The following CCSER1 variants were observed in gnomAD, a reference collection of about 807,000 sequenced individuals.
CCSER1 encodes coiled-coil serine rich protein 1.
Under a neutral mutation model 82.0 loss-of-function variants are expected in CCSER1, and 41 were observed. The ratio of observed to expected loss-of-function variants is 0.50; its 90% CI spans 0.39 to 0.65. The LOEUF (loss-of-function observed/expected upper bound fraction) is 0.65, where lower values mean the gene tolerates loss of function less well. CCSER1 is among the 30% of genes least tolerant of loss of function. The pLI is 0.00. For synonymous variants in CCSER1, 414 were observed against 383.9 expected (o/e 1.08, Z -0.92); for missense variants, 1,119 against 1,064.2 (o/e 1.05, Z -0.72).
At chr4:91,484,384 A>G (rs2110054270) in intron 10 of CCSER1, among the ~76,000 whole-genome samples, 1 of 152,274 alleles carries the variant, frequency 6.6e-6, no homozygotes, top group East Asian at 1.9e-4. Flanking sequence ...TCCCATCCCC[A>G]GTCACTACTG....
At chr4:91,194,989 G>C (rs1735296667) in intron 10 of CCSER1, among the ~76,000 whole-genome samples, 1 of 152,136 alleles carries the variant, frequency 6.6e-6, no homozygotes, top group Admixed American at 6.5e-5. Flanking sequence ...TTATATGAAG[G>C]AAGAAAGTGA....
intron 4 of CCSER1, among the ~76,000 whole-genome samples, chr4:90,463,080 A>G (rs1763152421): frequency 6.6e-6 from 1 of 152,164 alleles, no homozygotes; most frequent in Admixed American, 6.5e-5. Context: ...TAGGATATTG[A>G]TAATTTTGAT....
At chr4:91,129,560 T>C (rs1399840875) in intron 10 of CCSER1, among the ~76,000 whole-genome samples, 1 of 151,934 alleles carries the variant, frequency 6.6e-6, no homozygotes, top group Non-Finnish European at 1.5e-5. Flanking sequence ...ATGTAAGATA[T>C]AATGGAAACT....
chr4:90,618,220 G>A (rs1376194958), intron 5 of CCSER1, among the ~76,000 whole-genome samples: 1 of 151,950 alleles, frequency 6.6e-6, no homozygotes, highest in East Asian at 1.9e-4. Context: ...CCTTTGAAAA[G>A]TATTGGAAGC....
Position 90,777,296 on chromosome 4 carries a change from G to T in CCSER1, c.2011-38466G>T, listed in dbSNP as rs566819847. Among the ~76,000 whole-genome samples, 5 of 140,608 alleles carry T rather than the reference G, an allele frequency of 3.6e-5. No homozygotes were observed. The East Asian group carries it at 1.1e-3, about 31-fold the overall frequency. 92.2% of individuals were successfully genotyped at this position (140,608 alleles called of 152,430 possible). The stretch of plus-strand genomic sequence containing the variant: ...CGCTTGAACCTGGGAGACAGAGGTT[G>T]CTGTAAGCTGAGGTAGTGCCATTGT... On this transcript the variant is annotated intron_variant, in intron 7 of 10. Transcript: ENST00000509176.
chr4:90,686,994 C>G (rs1278624399), intron 6 of CCSER1, among the ~76,000 whole-genome samples: 2 of 152,136 alleles, frequency 1.3e-5, no homozygotes, highest in East Asian at 1.9e-4. Context: ...CCCCAAGTGC[C>G]ATGCATGAAG....
intron 5 of CCSER1, among the ~76,000 whole-genome samples, chr4:90,514,413 A>C (rs1251131524): frequency 6.6e-6 from 1 of 152,184 alleles, no homozygotes; most frequent in African/African-American, 2.4e-5. Context: ...AGTTCATAGG[A>C]CAATTTTAAT....
chr4:90,196,616 CT>C (rs986076985), intron 1 of CCSER1, among the ~76,000 whole-genome samples: 1 of 149,156 alleles, frequency 6.7e-6, no homozygotes, highest in African/African-American at 2.5e-5. Context: ...CCCATAGATA[CT>C]GATTTCAAGA....
At chr4:91,159,910 T>A (rs1247510492) in intron 10 of CCSER1, among the ~76,000 whole-genome samples, 2 of 151,988 alleles carry the variant, frequency 1.3e-5, no homozygotes, top group African/African-American at 2.4e-5. Flanking sequence ...AACTTTTTTT[T>A]ATTATACTTT....
intron 10 of CCSER1, among the ~76,000 whole-genome samples, chr4:91,527,695 C>T (rs895830996): frequency 1.2e-4 from 19 of 152,012 alleles, no homozygotes; most frequent in African/African-American, 4.6e-4. Flanking sequence ...GGAGATATGT[C>T]ATTTCAAGTA....
At chr4:90,972,307 TA>T (rs554648813) in intron 9 of CCSER1, among the ~76,000 whole-genome samples, 2 of 151,848 alleles carry the variant, frequency 1.3e-5, no homozygotes, top group South Asian at 4.1e-4. Flanking sequence ...AAATCAACAT[TA>T]AAAATCAATA....
At chr4:90,316,675 T>C (rs1736222506) in intron 3 of CCSER1, among the ~76,000 whole-genome samples, 1 of 152,202 alleles carries the variant, frequency 6.6e-6, no homozygotes, top group African/African-American at 2.4e-5. Context: ...GGGATTTCAA[T>C]TCTCATAATA....
At chr4:90,389,301 G>T (rs1446855026) in intron 3 of CCSER1, among the ~76,000 whole-genome samples, 2 of 152,156 alleles carry the variant, frequency 1.3e-5, no homozygotes, top group Non-Finnish European at 2.9e-5. Flanking sequence ...AAAAAAGCAA[G>T]CATTACTCGG....
intron 10 of CCSER1, among the ~76,000 whole-genome samples, chr4:91,202,623 C>A (rs1443699983): frequency 4.6e-5 from 7 of 151,038 alleles, no homozygotes; most frequent in South Asian, 2.1e-4. Context: ...GCATTATTAC[C>A]AGAAAGGGCA....
intron 7 of CCSER1, among the ~76,000 whole-genome samples, chr4:90,736,287 A>G (rs908645436): frequency 1.3e-5 from 2 of 152,100 alleles, no homozygotes; most frequent in African/African-American, 4.8e-5. Context: ...TGATCTGTCC[A>G]ATGCTGAATG....
chr4:91,383,891 C>A lies in CCSER1; in HGVS notation c.2218-214681C>A, dbSNP rs767065551. Among the ~76,000 whole-genome samples the A allele has an allele frequency of 2.0e-5, 3 of 152,048 alleles. No homozygotes were observed. The South Asian group carries it at 6.2e-4, about 31-fold the overall frequency. ...CATAAAGTGTTTTCACTTTTGTAAACCACAAAAAAGACAAATTTTTTTAAT... is the reference window on the plus strand; with the variant it reads ...CATAAAGTGTTTTCACTTTTGTAAAACACAAAAAAGACAAATTTTTTTAAT... On this transcript the variant is annotated intron_variant, in intron 10 of 10. Transcript: ENST00000509176.
intron 10 of CCSER1, among the ~76,000 whole-genome samples, chr4:91,100,761 C>T (rs764632733): frequency 1.1e-4 from 16 of 152,102 alleles, no homozygotes; most frequent in Non-Finnish European, 1.5e-4. Flanking sequence ...GGGTCATCTT[C>T]AGATTGGATT....
intron 5 of CCSER1, among the ~76,000 whole-genome samples, chr4:90,555,001 T>C (rs1266841419): frequency 1.3e-5 from 2 of 152,148 alleles, no homozygotes; most frequent in Non-Finnish European, 2.9e-5. Flanking sequence ...ACTTTTATAT[T>C]CCCTTCTTTA....
chr4:91,171,432 A>T (rs1732744354), intron 10 of CCSER1, among the ~76,000 whole-genome samples: 1 of 152,222 alleles, frequency 6.6e-6, no homozygotes, highest in Non-Finnish European at 1.5e-5. Flanking sequence ...TAATGCTGAA[A>T]CTTGGCTGAG....
Sources: allele counts gnomAD v4.1 joint callset (sites outside exome capture counted in the v4.1 genomes callset), GRCh38; gene constraint gnomAD v4.1.1; transcripts MANE v1.5; gene names NCBI Gene and HGNC (gene_info 2026-07-23, HGNC 2026-07-21).